Variants in ARHGAP22 observed in about 807,000 individuals in gnomAD.
ARHGAP22 encodes the protein Rho GTPase activating protein 22, also known as rho GTPase-activating protein 22.
A neutral mutation model predicts 59.1 loss-of-function variants in ARHGAP22; 48 were observed. The observed-to-expected ratio is 0.81, with a 90% CI of 0.64 to 1.03. The LOEUF (loss-of-function observed/expected upper bound fraction) is 1.03. ARHGAP22 is among the 50% of genes least tolerant of loss of function. The pLI is 0.00. For synonymous variants in ARHGAP22, 445 were observed against 416.4 expected, an observed-to-expected ratio of 1.07 and a Z score of -0.84; for missense variants, 1,015 against 958.7, an observed-to-expected ratio of 1.06 and a Z score of -0.78.
At chr10:48,503,035 G>A (rs556412667) in intron 3 of ARHGAP22, among the ~76,000 whole-genome samples, 2 of 152,344 alleles carry the variant, frequency 1.3e-5, no homozygotes, top group East Asian at 1.9e-4. Context: ...AGGCTGATTG[G>A]ACGAGGCCCC....
rs767883377 is a variant in ARHGAP22, at chr10:48,479,686, T to C, written c.401A>G (p.Glu134Gly). ...TCGGCGGATGGCCTGCACCCAGTCC[T>C]CCATGTCACGCTGGGAGCTGGCCAT... ...LLMASSQRDM[E>G]DWVQAIRRVI... Residue 134 changes from glutamate to glycine, a missense_variant, in exon 4 of 10, where the codon GAG becomes GGG. By Grantham distance (98) the Glu-to-Gly change is moderately conservative (BLOSUM62 -2). Coordinates refer to ENST00000249601, the MANE Select transcript of ARHGAP22 (RefSeq NM_021226.4). The C allele has an allele frequency of 3.7e-6, 6 of 1,612,300 alleles. No individual in the cohort carries two copies. In the African/African-American group the frequency reaches 6.7e-5, roughly 18 times the overall value.
chr10:48,523,760 G>A (rs879897114), intron 3 of ARHGAP22, among the ~76,000 whole-genome samples: 1 of 151,730 alleles, frequency 6.6e-6, no homozygotes, highest in Non-Finnish European at 1.5e-5. Context: ...CCCGGGCCCT[G>A]GAGGGCGGAC....
At chr10:48,436,922 A>G in the ARHGAP22 span, 1 of 152,216 alleles carries the variant, frequency 6.6e-6, no homozygotes, top group African/African-American at 2.4e-5. Context: ...TTTGAGAATG[A>G]GTGTGTTTAT....
chr10:48,453,970 G>T, intron 7 of ARHGAP22, 118 bp downstream of exon 7: 1 of 1,051,596 alleles, frequency 9.5e-7, no homozygotes, highest in Non-Finnish European at 1.5e-6. Context: ...AGGCTGTGCA[G>T]GGTGGGGAAT....
At chr10:48,552,901 C>T (rs182693733) in intron 3 of ARHGAP22, among the ~76,000 whole-genome samples, 18 of 152,366 alleles carry the variant, frequency 1.2e-4, no homozygotes, top group African/African-American at 3.6e-4. Flanking sequence ...CTTCTGGGGT[C>T]AGGCTGACCT....
At chr10:48,485,020 T>G (rs200689061) in intron 3 of ARHGAP22, among the ~76,000 whole-genome samples, 1 of 152,240 alleles carries the variant, frequency 6.6e-6, no homozygotes, top group East Asian at 1.9e-4. Flanking sequence ...CACAACTACT[T>G]TACTCTGCCA....
rs2055729225 is a variant in ARHGAP22 at position 48,539,537 on chromosome 10, C to CGCCTCG, written c.322+15920_322+15925dup. On this transcript the variant is annotated intron_variant, in intron 3 of 9. Transcript: ENST00000249601. ...CGATCTCCTGACCTCGTGATCCGCC[C>CGCCTCG]GCCTCGGCCTCCCAAAGTGCTGGGA... Among the ~76,000 whole-genome samples, 6 of 151,788 alleles carry CGCCTCG rather than the reference C, an allele frequency of 4.0e-5. No homozygotes were observed. In the South Asian group the frequency reaches 1.3e-3, roughly 32 times the overall value.
At chr10:48,464,480 C>A (rs964420578) in intron 4 of ARHGAP22, among the ~76,000 whole-genome samples, 1 of 152,224 alleles carries the variant, frequency 6.6e-6, no homozygotes, top group Non-Finnish European at 1.5e-5. Flanking sequence ...GATGCTGAAG[C>A]CAACGTCTAA....
rs143140469 is a variant in ARHGAP22 at position 48,457,521 on chromosome 10, T to C, written c.659+2163A>G. ...TCCCAGTGCTCCCTCCCTCAAAGGA[T>C]AGCAGCTGAGGGAGTAAGGAGAGCC... is the stretch of plus-strand genomic sequence containing the variant. On this transcript the variant is annotated intron_variant, in intron 5 of 9. Transcript: ENST00000249601. Among the ~76,000 whole-genome samples the C allele has an allele frequency of 1.1e-3, 171 of 152,246 alleles. 1 individual carries two copies. Among genetic ancestry groups the C allele is most frequent in the African/African-American group, 3.9e-3 (161 of 41,540 alleles).
intron 3 of ARHGAP22, among the ~76,000 whole-genome samples, chr10:48,499,668 C>A (rs2051304947): frequency 6.6e-6 from 1 of 152,146 alleles, no homozygotes; most frequent in Non-Finnish European, 1.5e-5. Context: ...TGTTATTACT[C>A]CTGCTGTTAA....
chr10:48,437,772 C>G, the ARHGAP22 span: 4 of 152,226 alleles, frequency 2.6e-5, no homozygotes, highest in African/African-American at 9.6e-5. Flanking sequence ...TGCCAGACTT[C>G]TAAGAGAAAC....
At chr10:48,516,293 G>C (rs888559887) in intron 3 of ARHGAP22, among the ~76,000 whole-genome samples, 1 of 152,250 alleles carries the variant, frequency 6.6e-6, no homozygotes, top group African/African-American at 2.4e-5. Context: ...GGGAGGCCAA[G>C]GCAGGAGGAC....
intron 1 of ARHGAP22, among the ~76,000 whole-genome samples, chr10:48,592,303 G>A (rs772019420): frequency 1.3e-5 from 2 of 152,052 alleles, no homozygotes; most frequent in African/African-American, 2.4e-5. Context: ...ATCTGTCACC[G>A]CACCTGGCTT....
At chr10:48,652,313 C>A (rs2062600938) in exon 1 of ARHGAP22, 3 of 1,532,908 alleles carry the variant, frequency 2.0e-6, no homozygotes. Context: ...GTGCAAATTT[C>A]TTCTGTATCC....
At chr10:48,651,907 T>A (rs558688388) in intron 1 of ARHGAP22, among the ~76,000 whole-genome samples, 44 of 152,242 alleles carry the variant, frequency 2.9e-4, no homozygotes, top group African/African-American at 9.4e-4. Flanking sequence ...AGCGTTCCCC[T>A]GTGAAGGACT....
Position 48,508,591 on chromosome 10 carries a change from T to C in ARHGAP22, c.323-28827A>G, listed in dbSNP as rs552401114. Reference sequence around the variant, plus strand: ...TATGCAACTCATGGGTAGGGATCCATGGGAAAAGACAAAAAAATGGGAAGT... The same window carrying C: ...TATGCAACTCATGGGTAGGGATCCACGGGAAAAGACAAAAAAATGGGAAGT... On this transcript the variant is annotated intron_variant, in intron 3 of 9. Coordinates refer to ENST00000249601, the MANE Select transcript of ARHGAP22 (RefSeq NM_021226.4). Among the ~76,000 whole-genome samples the C allele has an allele frequency of 2.3e-3, 349 of 152,292 alleles. 5 individuals carry two copies. The highest frequency in any genetic ancestry group is 8.1e-3 in the African/African-American group (337 of 41,580).
chr10:48,570,156 C>G (rs141347720), intron 2 of ARHGAP22, among the ~76,000 whole-genome samples: 152 of 151,630 alleles, frequency 1.0e-3, no homozygotes, highest in African/African-American at 1.1e-3. Flanking sequence ...CTTAAAATAA[C>G]TTGCTTGAAT....
At chr10:48,628,133 T>C (rs2061511734) in intron 1 of ARHGAP22, among the ~76,000 whole-genome samples, 1 of 152,240 alleles carries the variant, frequency 6.6e-6, no homozygotes, top group African/African-American at 2.4e-5. Flanking sequence ...GGTGTCTGAC[T>C]GGCCACCCTC....
intron 3 of ARHGAP22, among the ~76,000 whole-genome samples, chr10:48,492,411 G>C (rs2050491459): frequency 6.6e-6 from 1 of 152,192 alleles, no homozygotes; most frequent in Non-Finnish European, 1.5e-5. Flanking sequence ...AAGGCCAAGT[G>C]TCTAGATGCA....
Sources: gnomAD v4.1 joint callset for allele counts (sites outside exome capture counted in the v4.1 genomes callset) on GRCh38, gnomAD v4.1.1 for gene constraint, MANE v1.5 for transcripts, NCBI Gene and HGNC (gene_info 2026-07-23, HGNC 2026-07-21) for gene names.